Variants in DPPA4 observed in about 807,000 individuals in gnomAD.
DPPA4 encodes developmental pluripotency associated 4.
Under a neutral mutation model 33.7 loss-of-function variants are expected in DPPA4, and 22 were observed. The ratio of observed to expected loss-of-function variants is 0.65; its 90% CI spans 0.47 to 0.93. DPPA4 has a LOEUF of 0.93. DPPA4 is among the 40% of genes least tolerant of loss of function. The pLI is 0.00. For synonymous variants in DPPA4, 156 were observed against 132.3 expected (o/e 1.18, Z -1.23); for missense variants, 340 against 358.6 (o/e 0.95, Z 0.42).
rs2107338807 is a variant in DPPA4, at chr3:109,329,016, T to C, written c.752A>G (p.His251Arg). ...TTCTGGAACCCAGGCTTGACCAGCATGAAACTGCAGGTGAACCCAACCATC... is the reference window on the plus strand; with the variant it reads ...TTCTGGAACCCAGGCTTGACCAGCACGAAACTGCAGGTGAACCCAACCATC... ...DTDGWVHLQF[H>R]AGQAWVPEKQ... The change falls in exon 6 of 7, where the codon CAT (histidine) becomes CGT (arginine). Residue 251 changes from histidine (H) to arginine (R), a missense_variant. His to Arg is a conservative substitution (Grantham distance 29). Coordinates refer to ENST00000335658, the MANE Select transcript of DPPA4 (RefSeq NM_018189.4). 1 of 1,614,050 alleles carries C rather than the reference T, an allele frequency of 6.2e-7. No individual in the cohort carries two copies. The highest frequency in any genetic ancestry group is 1.6e-4 in the Middle Eastern group (1 of 6,062).
chr3:109,329,396 G>A (rs574834951), intron 5 of DPPA4: 11 of 256,902 alleles, frequency 4.3e-5, no homozygotes, highest in East Asian at 2.8e-4. Context: ...TTAGCCAGGC[G>A]TGGTGGCGGG....
In DPPA4 at chr3:109,333,504, G is replaced by A. The variant is rs1708127979; in HGVS notation, c.178+366C>T. The A allele has an allele frequency of 1.4e-5, 3 of 213,974 alleles. 1 individual carries two copies. In the South Asian group the frequency reaches 2.4e-4, roughly 17 times the overall value. 13.3% of individuals were successfully genotyped at this position (213,974 alleles called of 1,614,324 possible). The stretch of plus-strand genomic sequence containing the variant: ...ACTCCATTCCCACCGCTTAATAAAG[G>A]TAGATATTGTCCTAACTTATTTTTA... On this transcript the variant is annotated intron_variant, in intron 2 of 6. Coordinates refer to ENST00000335658, the MANE Select transcript of DPPA4 (RefSeq NM_018189.4).
In DPPA4 at chr3:109,332,017, T is replaced by A; in HGVS notation, c.193A>T (p.Lys65Ter). ...IKGSKVLCPK[K>*]KAEHTDNPRP... ...GGGTTGTCAGTGTGCTCTGCCTTTT[T>A]CTTAGGGCAGAGCACTGAAGCAGAA... The change falls in exon 3 of 7, where the codon AAA (lysine) becomes TAA (stop). Residue 65 changes from lysine (K) to a stop codon, truncating the protein, a stop_gained. Transcript: ENST00000335658. LOFTEE classifies it high-confidence loss of function. The A allele has an allele frequency of 6.2e-7, 1 of 1,612,672 alleles. No homozygotes were observed. Among genetic ancestry groups the A allele is most frequent in the Non-Finnish European group, 8.5e-7 (1 of 1,179,118 alleles).
intron 5 of DPPA4, 78 bp from the exon 6 acceptor site, chr3:109,329,166 C>A: frequency 7.8e-7 from 1 of 1,286,780 alleles, no homozygotes; most frequent in South Asian, 1.3e-5. Context: ...TATGGCCCAT[C>A]ACCCTTGATT....
intron 1 of DPPA4, among the ~76,000 whole-genome samples, chr3:109,337,223 T>C (rs1307658199): frequency 6.6e-6 from 1 of 151,648 alleles, no homozygotes; most frequent in African/African-American, 2.4e-5. Context: ...TCCCCATCTT[T>C]TGACACACTC....
chr3:109,335,493 A>G (rs1708173375), intron 1 of DPPA4, among the ~76,000 whole-genome samples: 2 of 152,126 alleles, frequency 1.3e-5, no homozygotes, highest in South Asian at 2.1e-4. Flanking sequence ...CAGTGGTCCA[A>G]TCTCGGCTCA....
Position 109,326,983 on chromosome 3 carries a change from C to T in DPPA4, c.*1005G>A, listed in dbSNP as rs981504850. 2 of 152,032 alleles carry T rather than the reference C, an allele frequency of 1.3e-5. No individual in the cohort carries two copies. The highest frequency in any genetic ancestry group is 4.8e-5 in the African/African-American group (2 of 41,390). The allele number at this position is 152,032 out of a possible 1,614,324, so 9.4% of individuals were successfully genotyped here. A position where few individuals can be genotyped will look rare whatever the true frequency, so the allele number is the denominator to read the frequency against. ...CATCTTATTTTTATTTATGGAGAAT[C>T]GGTTAATAAACACATTTTAAATTCA... On this transcript the variant is annotated 3_prime_UTR_variant, in exon 7 of 7. Coordinates refer to ENST00000335658, the MANE Select transcript of DPPA4 (RefSeq NM_018189.4).
chr3:109,329,851 TA>T (rs2107340330), intron 5 of DPPA4: 1 of 152,502 alleles, frequency 6.6e-6, no homozygotes, highest in African/African-American at 2.4e-5. Flanking sequence ...TGCAGGCAAT[TA>T]ATTTTAGACC....
chr3:109,331,597 G>C (rs1179710920), intron 4 of DPPA4, 137 bp downstream of exon 4: 1 of 514,418 alleles, frequency 1.9e-6, no homozygotes, highest in Admixed American at 3.4e-5. Flanking sequence ...AAGAGAAGTA[G>C]AGATGGGAAA....
upstream of DPPA4, among the ~76,000 whole-genome samples, chr3:109,338,642 G>A (rs971076149): frequency 2.0e-5 from 3 of 151,996 alleles, no homozygotes; most frequent in Non-Finnish European, 4.4e-5. Context: ...AGAAATCCAC[G>A]GACAGAAAAA....
chr3:109,332,933 A>AAAAT (rs1366942947), intron 2 of DPPA4, among the ~76,000 whole-genome samples: 1 of 152,184 alleles, frequency 6.6e-6, no homozygotes, highest in Non-Finnish European at 1.5e-5. Flanking sequence ...CTCTACTTAA[A>AAAAT]AAATTAGCTG....
At chr3:109,332,099 A>C in intron 2 of DPPA4, 68 bp from the exon 3 acceptor site, 1 of 1,408,800 alleles carries the variant, frequency 7.1e-7, no homozygotes, top group Non-Finnish European at 9.6e-7. Context: ...TCAAAAGTAA[A>C]ATCACTTTTT....
chr3:109,328,736 G>C (rs984269637), intron 6 of DPPA4, among the ~76,000 whole-genome samples, 154 bp downstream of exon 6: 3 of 152,166 alleles, frequency 2.0e-5, no homozygotes, highest in Non-Finnish European at 4.4e-5. Flanking sequence ...TTTTCCTGGG[G>C]ATAAACTTAA....
intron 1 of DPPA4, among the ~76,000 whole-genome samples, chr3:109,335,045 A>G (rs1341957792): frequency 6.6e-6 from 1 of 152,234 alleles, no homozygotes; most frequent in Non-Finnish European, 1.5e-5. Context: ...TAAAGGAAGC[A>G]AAGTGGGAGT....
rs1203477123 is a variant in DPPA4 at position 109,326,876 on chromosome 3, T to A, written c.*1112A>T. 6.6e-6 allele frequency: 1 copy of A among 152,184 alleles called. No individual in the cohort carries two copies. The highest frequency in any genetic ancestry group is 1.5e-5 in the Non-Finnish European group (1 of 68,036). 9.4% of individuals were successfully genotyped at this position (152,184 alleles called of 1,614,324 possible). A position where few individuals can be genotyped will look rare whatever the true frequency, so the allele number is the denominator to read the frequency against. On this transcript the variant is annotated 3_prime_UTR_variant, in exon 7 of 7. Transcript: ENST00000335658. ...ATCACACTTTTTGGTTTACTCCTAC[T>A]TGAGTTAAGAACACTAACAATAAAA...
rs780311325 is a variant in DPPA4 at position 109,330,411 on chromosome 3, G to A, written c.679+113C>T. On this transcript the variant is annotated intron_variant, in intron 5 of 6. Coordinates refer to ENST00000335658, the MANE Select transcript of DPPA4 (RefSeq NM_018189.4). ...CCAGAAACTCTGTGGGCAGGGTCCA[G>A]GAATCACCGGCCCTCAAAGGGATTT... is the stretch of plus-strand genomic sequence containing the variant. 25 of 1,207,442 alleles carry A rather than the reference G, an allele frequency of 2.1e-5. No homozygotes were observed. In the African/African-American group the frequency reaches 2.1e-4, roughly 10 times the overall value. The allele number at this position is 1,207,442 out of a possible 1,614,324, so 74.8% of individuals were successfully genotyped here.
intron 1 of DPPA4, among the ~76,000 whole-genome samples, chr3:109,335,670 T>C (rs1342594948): frequency 1.3e-5 from 2 of 151,874 alleles, no homozygotes; most frequent in East Asian, 4.0e-4. Context: ...CCTCAAGTGA[T>C]CCGCCCACCT....
At chr3:109,331,534 ACT>A (rs1170498313) in intron 4 of DPPA4, among the ~76,000 whole-genome samples, 198 bp downstream of exon 4, 5 of 108,624 alleles carry the variant, frequency 4.6e-5, no homozygotes, top group African/African-American at 1.9e-4. Context: ...ACAGTGCAAG[ACT>A]CTGTCTCAAA....
At chr3:109,339,433 A>T (rs1708271296), upstream of DPPA4, among the ~76,000 whole-genome samples, 1 of 152,030 alleles carries the variant, frequency 6.6e-6, no homozygotes, top group Non-Finnish European at 1.5e-5. Flanking sequence ...TGGAGAAAAC[A>T]GTGTCTGGAG....
Sources: allele counts gnomAD v4.1 joint callset (sites outside exome capture counted in the v4.1 genomes callset), GRCh38; gene constraint gnomAD v4.1.1; transcripts MANE v1.5; gene names NCBI Gene and HGNC (gene_info 2026-07-23, HGNC 2026-07-21).